The following NUP54 variants were observed in gnomAD, a reference collection of about 807,000 sequenced individuals.
NUP54 encodes the protein nucleoporin p54.
A neutral mutation model predicts 66.4 loss-of-function variants in NUP54; 27 were observed. The ratio of observed to expected loss-of-function variants is 0.41; its 90% CI spans 0.30 to 0.56. The LOEUF is 0.56. Ranked by LOEUF, NUP54 falls within the 20% of genes least tolerant of loss-of-function variation. The pLI is 0.34. For synonymous variants in NUP54, 206 were observed against 210.7 expected (o/e 0.98, Z 0.19); for missense variants, 486 against 596.3 (o/e 0.82, Z 1.93).
intron 8 of NUP54, among the ~76,000 whole-genome samples, chr4:76,125,316 T>TCACACA (rs34954421): frequency 0.011 from 1,330 of 125,358 alleles, 11 homozygotes; most frequent in African/African-American, 0.026. Context: ...TGAGACTCCA[T>TCACACA]CACACACACA....
At chr4:76,131,187 C>G in intron 7 of NUP54, 43 bp downstream of exon 7, 2 of 1,217,128 alleles carry the variant, frequency 1.6e-6, no homozygotes, top group Non-Finnish European at 2.4e-6. Flanking sequence ...TTCCTAGTAG[C>G]AAATATTAGT....
At chr4:76,139,230 C>T (rs1318575939) in intron 3 of NUP54, among the ~76,000 whole-genome samples, 1 of 152,014 alleles carries the variant, frequency 6.6e-6, no homozygotes, top group Non-Finnish European at 1.5e-5. Context: ...GGAATGAAAC[C>T]ATTAGGTTAA....
At chr4:76,136,987 T>C (rs533287166) in intron 3 of NUP54, among the ~76,000 whole-genome samples, 8 of 152,260 alleles carry the variant, frequency 5.3e-5, no homozygotes, top group African/African-American at 1.9e-4. Flanking sequence ...GTTAAATTTG[T>C]TTTTCTAATA....
At chr4:76,134,063 G>T in intron 5 of NUP54, 112 bp downstream of exon 5, 1 of 661,612 alleles carries the variant, frequency 1.5e-6, no homozygotes, top group Non-Finnish European at 2.4e-6. Context: ...CTGAGAAAAG[G>T]CATTCTGCTC....
Position 76,115,088 on chromosome 4 carries a change from T to C in NUP54, c.*278A>G, listed in dbSNP as rs574130934. The C allele has an allele frequency of 8.1e-6, 2 of 248,416 alleles. No homozygotes were observed. The highest frequency in any genetic ancestry group is 2.2e-5 in the African/African-American group (1 of 44,772). The allele number at this position is 248,416 out of a possible 1,614,324, so 15.4% of individuals were successfully genotyped here. A position where few individuals can be genotyped will look rare whatever the true frequency, so the allele number is the denominator to read the frequency against. ...GATTATGTTTAAGAAAATGCTGTTG[T>C]AAAAATGTACAATAGTACATACAAT... On this transcript the variant is annotated 3_prime_UTR_variant, in exon 12 of 12. Transcript: ENST00000264883.
chr4:76,125,494 G>A (rs908932647), intron 8 of NUP54, among the ~76,000 whole-genome samples: 2 of 149,558 alleles, frequency 1.3e-5, no homozygotes, highest in African/African-American at 2.5e-5. Context: ...AATTAACCAG[G>A]TGTAGTGCTA....
At chr4:76,129,681 C>T (rs922104699) in intron 8 of NUP54, among the ~76,000 whole-genome samples, 2 of 151,682 alleles carry the variant, frequency 1.3e-5, no homozygotes, top group Admixed American at 6.6e-5. Flanking sequence ...CTGGTTAACA[C>T]GGTGAAACCC....
chr4:76,129,125 G>C (rs1289184959), intron 8 of NUP54, among the ~76,000 whole-genome samples: 1 of 152,120 alleles, frequency 6.6e-6, no homozygotes, highest in Non-Finnish European at 1.5e-5. Context: ...TAATGGATAT[G>C]CTAATTACTT....
Position 76,136,324 on chromosome 4 carries a change from C to G in NUP54, c.384G>C (p.Thr128=), listed in dbSNP as rs369924374. Residue 128 remains threonine, a synonymous_variant, in exon 4 of 12, where the codon ACG becomes ACC. Transcript: ENST00000264883. ...TAGCATCTCTCTCATCTCCCAACAG[C>G]GTTGGAGCAGAAAGAGCACTCGCAG... ...INTASALSAP[T]LLGDERDAIL... The G allele has an allele frequency of 2.5e-6, 4 of 1,613,978 alleles. No homozygotes were observed. In the South Asian group the frequency reaches 4.4e-5, roughly 18 times the overall value.
intron 9 of NUP54, among the ~76,000 whole-genome samples, chr4:76,122,438 C>T (rs929199423): frequency 1.6e-4 from 25 of 152,194 alleles, no homozygotes; most frequent in African/African-American, 5.8e-4. Flanking sequence ...CATCTACAGT[C>T]CCTGGCAACT....
intron 7 of NUP54, 63 bp from the exon 8 acceptor site, chr4:76,130,812 A>G: frequency 9.4e-7 from 1 of 1,061,226 alleles, no homozygotes; most frequent in African/African-American, 1.6e-5. Context: ...ACAAGAAGTG[A>G]AGGTTTTAGT....
chr4:76,144,495 T>C (rs375259608), intron 1 of NUP54, 22 bp from the exon 2 acceptor site: 16 of 1,551,826 alleles, frequency 1.0e-5, no homozygotes, highest in African/African-American at 6.9e-5. Context: ...AGAACAAAAA[T>C]AGAAAGGAAG....
At position 76,130,764 on chromosome 4, in the gene NUP54, T is replaced by G. The variant is rs553706476; in HGVS notation, c.963-15A>C. The stretch of plus-strand genomic sequence containing the variant: ...CAGGAATTAACCTGAAGAAACGCAG[T>G]GAACAATTTTCAGACCTTAAGCCTA... On this transcript the variant is annotated splice_polypyrimidine_tract_variant and intron_variant, in intron 7 of 11. Transcript: ENST00000264883. 29 of 1,568,172 alleles carry G rather than the reference T, an allele frequency of 1.8e-5. No homozygotes were observed. The highest frequency in any genetic ancestry group is 2.5e-5 in the Non-Finnish European group (29 of 1,139,350).
In NUP54 at chr4:76,144,129, G is replaced by C; in HGVS notation, c.295+20C>G. The C allele has an allele frequency of 6.2e-7, 1 of 1,612,744 alleles. No individual in the cohort carries two copies. The highest frequency in any genetic ancestry group is 8.5e-7 in the Non-Finnish European group (1 of 1,179,362). The stretch of plus-strand genomic sequence containing the variant: ...GTATCATCACGGTTTTGTATTTGAA[G>C]CTGAAAACCTCATACTTACTAGTTT... On this transcript the variant is annotated intron_variant, in intron 3 of 11. Transcript: ENST00000264883.
Position 76,147,444 on chromosome 4 carries a change from C to T in NUP54, c.67+864G>A, listed in dbSNP as rs756524433. 14 of 1,275,492 alleles carry T rather than the reference C, an allele frequency of 1.1e-5. No individual in the cohort carries two copies. In the South Asian group the frequency reaches 1.5e-4, roughly 14 times the overall value. The allele number at this position is 1,275,492 out of a possible 1,614,324, so 79.0% of individuals were successfully genotyped here. ...CACAATATTCTTGGACTCCAGCTCC[C>T]AACACTGGTTACACATACAACCCGC... On this transcript the variant is annotated intron_variant, in intron 1 of 11. Coordinates refer to ENST00000264883, the MANE Select transcript of NUP54 (RefSeq NM_017426.4).
chr4:76,124,703 GGC>G lies in NUP54; in HGVS notation c.1108_1109del (p.Ala370GlnfsTer15), dbSNP rs1432631204. ...ELQKNQTTSV[A>X]KIAQYKRKLM... ...GTTTCCTCTTGTATTGTGCAATTTT[GGC>G]TACAGATGTAGTTTGATTCTTTTGT... is the stretch of plus-strand genomic sequence containing the variant. On this transcript the variant is annotated frameshift_variant, in exon 9 of 12. Transcript: ENST00000264883. LOFTEE classifies it high-confidence loss of function. The G allele has an allele frequency of 4.4e-6, 7 of 1,585,148 alleles. No individual in the cohort carries two copies. In the Admixed American group the frequency reaches 1.2e-4, roughly 27 times the overall value.
chr4:76,130,880 G>A (rs769532561), intron 7 of NUP54, 131 bp from the exon 8 acceptor site: 43 of 653,212 alleles, frequency 6.6e-5, no homozygotes, highest in Non-Finnish European at 1.2e-4. Context: ...CTATGACTAT[G>A]AGATAACCAT....
intron 9 of NUP54, among the ~76,000 whole-genome samples, chr4:76,122,134 T>A (rs1240831663): frequency 6.6e-6 from 1 of 152,248 alleles, no homozygotes; most frequent in African/African-American, 2.4e-5. Context: ...TAATAAGTCA[T>A]GTTGATAGAT....
At chr4:76,144,533 CT>C (rs1193685997) in intron 1 of NUP54, 60 bp from the exon 2 acceptor site, 13 of 1,198,172 alleles carry the variant, frequency 1.1e-5, no homozygotes, top group Middle Eastern at 2.0e-4. Flanking sequence ...AAGGCAACTT[CT>C]TTTTAAAATT....
Sources: gnomAD v4.1 joint callset for allele counts (sites outside exome capture counted in the v4.1 genomes callset) on GRCh38, gnomAD v4.1.1 for gene constraint, MANE v1.5 for transcripts, NCBI Gene and HGNC (gene_info 2026-07-23, HGNC 2026-07-21) for gene names.